The following NRDE2 variants were observed in gnomAD, a reference collection of about 807,000 sequenced individuals.
NRDE2 encodes the protein NRDE-2, necessary for RNA interference, domain containing.
In NRDE2, 76 loss-of-function variants were observed where a neutral mutation model predicts 124.2. That is an observed-to-expected ratio of 0.61 (90% CI 0.51 to 0.74). The LOEUF (loss-of-function observed/expected upper bound fraction) is 0.74. Ranked by LOEUF, NRDE2 falls within the 30% of genes least tolerant of loss-of-function variation. The pLI is 0.00. For synonymous variants in NRDE2, 489 were observed against 528.1 expected (o/e 0.93, Z 1.01); for missense variants, 1,314 against 1,417.3 (o/e 0.93, Z 1.17).
chr14:90,308,391 T>C (rs1385203697), intron 4 of NRDE2, among the ~76,000 whole-genome samples: 3 of 152,216 alleles, frequency 2.0e-5, no homozygotes, highest in Non-Finnish European at 2.9e-5. Context: ...TGCTACTCTA[T>C]ACTGAACCAA....
intron 3 of NRDE2, among the ~76,000 whole-genome samples, chr14:90,315,361 ACT>A (rs1885007020): frequency 6.6e-6 from 1 of 151,900 alleles, no homozygotes; most frequent in South Asian, 2.1e-4. Context: ...ATAGAATGAG[ACT>A]CTGTCTAAAA....
intron 4 of NRDE2, among the ~76,000 whole-genome samples, chr14:90,308,025 G>C (rs1007324590): frequency 1.3e-5 from 2 of 152,200 alleles, no homozygotes; most frequent in East Asian, 3.9e-4. Context: ...TGGGACTACA[G>C]GTGTGGGTCA....
In NRDE2 at chr14:90,269,379, C is replaced by CTTT. The variant is rs71117332; in HGVS notation, c.*8954_*8956dup. The CTTT allele has an allele frequency of 1.6e-4, 224 of 1,402,702 alleles. No individual in the cohort carries two copies. The highest frequency in any genetic ancestry group is 7.1e-4 in the South Asian group (54 of 76,446). 86.9% of individuals were successfully genotyped at this position (1,402,702 alleles called of 1,614,324 possible). On this transcript the variant is annotated 3_prime_UTR_variant, in exon 14 of 14. Coordinates refer to ENST00000354366, the MANE Select transcript of NRDE2 (RefSeq NM_017970.4). ...GATCAGTTGAGTCTTCATTCCTTCC[C>CTTT]TTTTTTTTTTTCCAAAGATATGACT...
rs189531774 is a variant in NRDE2, at chr14:90,282,375, C to G, written c.3298-3242G>C. The stretch of plus-strand genomic sequence containing the variant: ...CCTGTAGTCCCAGCTACTCAGGAGG[C>G]TGACGTGAGAGGATTGCATGAGCCC... On this transcript the variant is annotated intron_variant, in intron 12 of 13. Transcript: ENST00000354366. Among the ~76,000 whole-genome samples, 286 of 150,022 alleles carry G rather than the reference C, an allele frequency of 1.9e-3. 2 individuals carry two copies. Among genetic ancestry groups the G allele is most frequent in the African/African-American group, 7.0e-3 (278 of 39,602 alleles).
chr14:90,301,137 C>T, intron 7 of NRDE2, 102 bp downstream of exon 7: 1 of 1,161,882 alleles, frequency 8.6e-7, no homozygotes, highest in South Asian at 1.3e-5. Context: ...ACTACCACAC[C>T]ACCTCTCATT....
chr14:90,329,564 C>T (rs900097427), intron 1 of NRDE2, among the ~76,000 whole-genome samples: 9 of 151,914 alleles, frequency 5.9e-5, no homozygotes, highest in Non-Finnish European at 1.2e-4. Flanking sequence ...AGGCTGGGTA[C>T]GTTGGCTCAC....
chr14:90,329,112 GA>G (rs1214001504), intron 1 of NRDE2, among the ~76,000 whole-genome samples: 1 of 152,136 alleles, frequency 6.6e-6, no homozygotes, highest in Non-Finnish European at 1.5e-5. Context: ...CCTGATTGTA[GA>G]TATCCAGAGG....
At chr14:90,287,910 T>C (rs1760470257) in intron 11 of NRDE2, among the ~76,000 whole-genome samples, 1 of 152,106 alleles carries the variant, frequency 6.6e-6, no homozygotes, top group Non-Finnish European at 1.5e-5. Flanking sequence ...CCATCAGGCT[T>C]TCGTGACGGC....
At position 90,268,121 on chromosome 14, in the gene NRDE2, C is replaced by T. The variant is rs887830565; in HGVS notation, c.*10215G>A. On this transcript the variant is annotated 3_prime_UTR_variant, in exon 14 of 14. Coordinates refer to ENST00000354366, the MANE Select transcript of NRDE2 (RefSeq NM_017970.4). ...GGTGCCATGCCTTAGCATGAGGGCCCGCCTGTTTTTGGTGTCCATTTAAGG... is the reference window on the plus strand; with the variant it reads ...GGTGCCATGCCTTAGCATGAGGGCCTGCCTGTTTTTGGTGTCCATTTAAGG... 6 of 911,412 alleles carry T rather than the reference C, an allele frequency of 6.6e-6. No homozygotes were observed. Among genetic ancestry groups the T allele is most frequent in the South Asian group, 1.8e-5 (1 of 54,828 alleles). The allele number at this position is 911,412 out of a possible 1,614,324, so 56.5% of individuals were successfully genotyped here. A position where few individuals can be genotyped will look rare whatever the true frequency, so the allele number is the denominator to read the frequency against.
At chr14:90,284,192 T>C (rs980280928) in intron 12 of NRDE2, among the ~76,000 whole-genome samples, 5 of 152,118 alleles carry the variant, frequency 3.3e-5, no homozygotes, top group African/African-American at 4.8e-5. Flanking sequence ...AAGACAGGCA[T>C]GAGTGGGGGC....
chr14:90,292,217 A>G (rs1459552322), intron 9 of NRDE2, among the ~76,000 whole-genome samples: 6 of 152,216 alleles, frequency 3.9e-5, no homozygotes. Context: ...ACTGTCCAAC[A>G]TGGACCCTAC....
At chr14:90,297,525 T>C in intron 8 of NRDE2, among the ~76,000 whole-genome samples, 1 of 152,166 alleles carries the variant, frequency 6.6e-6, no homozygotes, top group East Asian at 1.9e-4. Context: ...AGAGTGACAG[T>C]TATGTAAATG....
In NRDE2 at chr14:90,268,191, C is replaced by CTT. The variant is rs34247505; in HGVS notation, c.*10143_*10144dup. The CTT allele has an allele frequency of 6.8e-3, 8,808 of 1,291,222 alleles. No homozygotes were observed. Among genetic ancestry groups the CTT allele is most frequent in the East Asian group, 0.01 (380 of 37,972 alleles). The allele number at this position is 1,291,222 out of a possible 1,614,324, so 80.0% of individuals were successfully genotyped here. A position where few individuals can be genotyped will look rare whatever the true frequency, so the allele number is the denominator to read the frequency against. ...TAAGTTAAAATGGCACTTAAGGTGT[C>CTT]TTTTTTTTTTTTATCTTTTTCATCC... On this transcript the variant is annotated 3_prime_UTR_variant, in exon 14 of 14. Transcript: ENST00000354366.
chr14:90,324,507 C>T (rs897281706), intron 1 of NRDE2, among the ~76,000 whole-genome samples: 3 of 151,920 alleles, frequency 2.0e-5, no homozygotes, highest in African/African-American at 7.3e-5. Context: ...GAAACCCCAT[C>T]TCTACTAGAA....
At position 90,284,565 on chromosome 14, in the gene NRDE2, C is replaced by T. The variant is rs143483872; in HGVS notation, c.3297+1789G>A. 3.3e-3 allele frequency among the ~76,000 whole-genome samples: 499 copies of T among 152,166 alleles called. 4 individuals carry two copies. The highest frequency in any genetic ancestry group is 0.011 in the African/African-American group (467 of 41,530). ...TGTATTTTTAGTAGTGACGGGGTTT[C>T]GCCATGTCGGCCAGGCTGGTCTCGA... On this transcript the variant is annotated intron_variant, in intron 12 of 13. Coordinates refer to ENST00000354366, the MANE Select transcript of NRDE2 (RefSeq NM_017970.4).
chr14:90,320,119 T>C (rs957747914), intron 1 of NRDE2, among the ~76,000 whole-genome samples: 3 of 152,090 alleles, frequency 2.0e-5, no homozygotes, highest in African/African-American at 7.2e-5. Flanking sequence ...CAGATCTTCT[T>C]TGCAGAAGTT....
At position 90,272,292 on chromosome 14, in the gene NRDE2, G is replaced by C; in HGVS notation, c.*6044C>G. ...TTACAGGCAATCTGTACAGAAGCTGGTCTGATGGCCTTAAGAGAACGTAGA... is the reference window on the plus strand; with the variant it reads ...TTACAGGCAATCTGTACAGAAGCTGCTCTGATGGCCTTAAGAGAACGTAGA... On this transcript the variant is annotated 3_prime_UTR_variant, in exon 14 of 14. Transcript: ENST00000354366. The surrounding 1 kb of genome is among the most constrained non-coding windows in gnomAD (Gnocchi z 4.5). 1 of 1,604,004 alleles carries C rather than the reference G, an allele frequency of 6.2e-7. No individual in the cohort carries two copies. Among genetic ancestry groups the C allele is most frequent in the Non-Finnish European group, 8.5e-7 (1 of 1,178,184 alleles).
intron 6 of NRDE2, chr14:90,301,824 C>T (rs765648727): frequency 3.0e-4 from 138 of 455,884 alleles, no homozygotes; most frequent in Non-Finnish European, 5.5e-4. Flanking sequence ...ATCAAGGTTC[C>T]ATGTCTGAAC....
intron 1 of NRDE2, among the ~76,000 whole-genome samples, chr14:90,323,117 AC>A (rs536284436): frequency 2.8e-3 from 421 of 152,350 alleles, no homozygotes; most frequent in Non-Finnish European, 5.3e-3. Context: ...AGGCAGAAAA[AC>A]CACTTTAGAA....
Sources: allele counts gnomAD v4.1 joint callset (sites outside exome capture counted in the v4.1 genomes callset), GRCh38; gene constraint gnomAD v4.1.1; non-coding constraint Gnocchi (gnomAD v3.1); transcripts MANE v1.5; gene names NCBI Gene and HGNC (gene_info 2026-07-23, HGNC 2026-07-21).